The following ARNT variants were observed in gnomAD, a reference collection of about 807,000 sequenced individuals.
ARNT encodes aryl hydrocarbon receptor nuclear translocator.
Under a neutral mutation model 105.0 loss-of-function variants are expected in ARNT, and 30 were observed. The ratio of observed to expected loss-of-function variants is 0.29; its 90% CI spans 0.21 to 0.39. The LOEUF is 0.39. ARNT is among the 10% of genes least tolerant of loss of function. The pLI is 1.00. For missense variants in ARNT, 748 were observed against 978.7 expected (o/e 0.76, Z 3.15); for synonymous variants, 304 against 344.0 (o/e 0.88, Z 1.29).
chr1:150,874,168 C>T (rs1320116268), intron 1 of ARNT, among the ~76,000 whole-genome samples: 1 of 151,792 alleles, frequency 6.6e-6, no homozygotes, highest in Non-Finnish European at 1.5e-5. Context: ...GACCTGAAAA[C>T]ATTTACTTTC....
chr1:150,861,814 T>C (rs921112406), intron 1 of ARNT, among the ~76,000 whole-genome samples: 1 of 152,170 alleles, frequency 6.6e-6, no homozygotes, highest in Non-Finnish European at 1.5e-5. Context: ...TTTATGATAG[T>C]GGGAAACCAT....
In ARNT at chr1:150,839,434, C is replaced by G; in HGVS notation, c.486+7G>C. The G allele has an allele frequency of 6.2e-7, 1 of 1,614,108 alleles. No individual in the cohort carries two copies. ...CAGACTCTCTCAGAACTATAAGTCC[C>G]AGAGACCTGATCAGTGAGGAAAGAC... On this transcript the variant is annotated splice_region_variant and intron_variant, in intron 6 of 21. Transcript: ENST00000358595.
chr1:150,859,509 G>A (rs1042274246), intron 1 of ARNT, among the ~76,000 whole-genome samples: 36 of 151,464 alleles, frequency 2.4e-4, no homozygotes, highest in Admixed American at 2.2e-3. Flanking sequence ...ACCACACCTC[G>A]GTGATTTTTT....
chr1:150,813,479 T>G lies in ARNT; in HGVS notation c.2114-141A>C, dbSNP rs1207285508. The G allele has an allele frequency of 2.1e-5, 18 of 855,334 alleles. 1 individual carries two copies. In the South Asian group the frequency reaches 4.6e-4, roughly 22 times the overall value. 53.0% of individuals were successfully genotyped at this position (855,334 alleles called of 1,614,324 possible). On this transcript the variant is annotated intron_variant, in intron 20 of 21. Transcript: ENST00000358595. ...CCTTCTCTCTGCCAATCAATGCCTT[T>G]TCTATCTCAAAACTCAGCCCTAAAT...
rs1466638934 is a variant in ARNT at position 150,811,553 on chromosome 1, A to C, written c.*468T>G. On this transcript the variant is annotated 3_prime_UTR_variant, in exon 22 of 22. Coordinates refer to ENST00000358595, the MANE Select transcript of ARNT (RefSeq NM_001668.4). ...TGCTCACAGGCAGCAAAAAGAGCCT[A>C]TGCTCAAACTTGCTAAAGCCCCATA... 1 of 233,548 alleles carries C rather than the reference A, an allele frequency of 4.3e-6. No homozygotes were observed. The highest frequency in any genetic ancestry group is 2.2e-5 in the African/African-American group (1 of 45,336). The allele number at this position is 233,548 out of a possible 1,614,324, so 14.5% of individuals were successfully genotyped here.
chr1:150,863,487 C>T (rs1210598034), intron 1 of ARNT, among the ~76,000 whole-genome samples: 1 of 152,014 alleles, frequency 6.6e-6, no homozygotes, highest in Non-Finnish European at 1.5e-5. Flanking sequence ...AGGCAGGCAA[C>T]CAGCCCATGG....
intron 1 of ARNT, among the ~76,000 whole-genome samples, chr1:150,862,651 G>C (rs980290745): frequency 5.6e-5 from 8 of 141,980 alleles, no homozygotes; most frequent in Non-Finnish European, 1.1e-4. Flanking sequence ...CAAGGCATGA[G>C]GATTGCTTGA....
At chr1:150,869,312 C>T (rs1667095095) in intron 1 of ARNT, among the ~76,000 whole-genome samples, 1 of 152,030 alleles carries the variant, frequency 6.6e-6, no homozygotes, top group Non-Finnish European at 1.5e-5. Flanking sequence ...CCCATCTCCA[C>T]TAAAAACACA....
At chr1:150,847,208 G>C (rs903160928) in intron 3 of ARNT, among the ~76,000 whole-genome samples, 1 of 152,064 alleles carries the variant, frequency 6.6e-6, no homozygotes, top group African/African-American at 2.4e-5. Flanking sequence ...AACACTGGGC[G>C]GATCACGAAG....
chr1:150,841,068 C>A (rs1307294927), intron 5 of ARNT, among the ~76,000 whole-genome samples: 1 of 149,958 alleles, frequency 6.7e-6, no homozygotes, highest in East Asian at 2.0e-4. Flanking sequence ...GCTATCTCAG[C>A]CTCCCAGGTA....
chr1:150,825,999 T>C (rs1009218772), intron 13 of ARNT, among the ~76,000 whole-genome samples: 6 of 152,018 alleles, frequency 3.9e-5, no homozygotes. Flanking sequence ...CAGCAACCTC[T>C]GCCTCCCAGG....
At chr1:150,874,351 A>C (rs1667936865) in intron 1 of ARNT, among the ~76,000 whole-genome samples, 1 of 152,248 alleles carries the variant, frequency 6.6e-6, no homozygotes, top group Admixed American at 6.5e-5. Flanking sequence ...ATTGAACTGA[A>C]CATGGGATCA....
At chr1:150,852,057 C>A (rs930818798) in intron 3 of ARNT, among the ~76,000 whole-genome samples, 27 of 149,136 alleles carry the variant, frequency 1.8e-4, no homozygotes, top group South Asian at 1.7e-3. Context: ...AAAAAAAAAA[C>A]AAAAACAAAA....
At chr1:150,836,182 G>C in intron 7 of ARNT, 98 bp downstream of exon 7, 2 of 1,171,508 alleles carry the variant, frequency 1.7e-6, no homozygotes, top group Non-Finnish European at 2.4e-6. Flanking sequence ...AGCCTTGCCA[G>C]AGTCAACAAA....
chr1:150,814,028 T>C (rs1194677852), intron 20 of ARNT, 49 bp downstream of exon 20: 1 of 1,598,436 alleles, frequency 6.3e-7, no homozygotes, highest in Non-Finnish European at 8.5e-7. Context: ...AAATCCTTTC[T>C]CTTTAGTGGT....
rs949402106 is a variant in ARNT, at chr1:150,809,827, C to T, written c.*2194G>A. ...CCCTCTCTCCCAAGAACCCAGGCAA[C>T]GCCCACCCCAAAACCCCCACCTCAT... On this transcript the variant is annotated 3_prime_UTR_variant, in exon 22 of 22. Coordinates refer to ENST00000358595, the MANE Select transcript of ARNT (RefSeq NM_001668.4). 3.6e-5 allele frequency: 8 copies of T among 221,166 alleles called. No homozygotes were observed. Among genetic ancestry groups the T allele is most frequent in the East Asian group, 1.3e-4 (2 of 15,374 alleles). 13.7% of individuals were successfully genotyped at this position (221,166 alleles called of 1,614,324 possible).
chr1:150,842,011 T>A (rs1395851170), intron 5 of ARNT, among the ~76,000 whole-genome samples: 3 of 152,142 alleles, frequency 2.0e-5, no homozygotes, highest in Admixed American at 6.5e-5. Context: ...CCTAGAGGTG[T>A]GGAGTAAATG....
intron 3 of ARNT, among the ~76,000 whole-genome samples, chr1:150,851,221 C>T (rs1349867960): frequency 1.4e-4 from 21 of 148,388 alleles, no homozygotes; most frequent in African/African-American, 2.0e-4. Context: ...CCCGGCCAGC[C>T]GCCCCATCCG....
chr1:150,858,339 T>A lies in ARNT; in HGVS notation c.137+10A>T. The A allele has an allele frequency of 6.3e-7, 1 of 1,592,734 alleles. No homozygotes were observed. Among genetic ancestry groups the A allele is most frequent in the Middle Eastern group, 1.7e-4 (1 of 6,028 alleles). On this transcript the variant is annotated intron_variant, in intron 2 of 21. Coordinates refer to ENST00000358595, the MANE Select transcript of ARNT (RefSeq NM_001668.4). The stretch of plus-strand genomic sequence containing the variant: ...GAGAGATATTCATAACACACTACAC[T>A]CAAACTCACCCTGGTCGCCGCTTAA...
Sources: allele counts gnomAD v4.1 joint callset (sites outside exome capture counted in the v4.1 genomes callset), GRCh38; gene constraint gnomAD v4.1.1; transcripts MANE v1.5; gene names NCBI Gene and HGNC (gene_info 2026-07-23, HGNC 2026-07-21).